GLRA2: variants seen among roughly 807,000 people sequenced by gnomAD.
GLRA2 encodes the protein glycine receptor alpha 2.
GLRA2 carries 11 observed loss-of-function variants against 31.6 expected under a neutral mutation model. The ratio of observed to expected loss-of-function variants is 0.35; its 90% CI spans 0.22 to 0.58. GLRA2 has a LOEUF of 0.58. Among genes scored for constraint, GLRA2 ranks in the 20% least tolerant of loss-of-function variants. GLRA2 has a pLI of 0.84. For synonymous variants in GLRA2, 132 were observed against 134.0 expected, an observed-to-expected ratio of 0.99 and a Z score of 0.10; for missense variants, 212 against 351.8, an observed-to-expected ratio of 0.60 and a Z score of 3.18.
intron 7 of GLRA2, among the ~76,000 whole-genome samples, chrX:14,685,841 T>C (rs1310360832): frequency 3.6e-5 from 4 of 111,999 alleles, no homozygotes; most frequent in African/African-American, 1.3e-4. Context: ...CAGTTATTTC[T>C]TGCCTTCTGC....
chrX:14,501,072 T>TA, the GLRA2 span, among the ~76,000 whole-genome samples: 23,384 of 89,318 alleles, frequency 0.26, 2,605 homozygotes, highest in Non-Finnish European at 0.34. Flanking sequence ...GAAAAAGTAG[T>TA]AAAAAAAAAA....
intron 4 of GLRA2, among the ~76,000 whole-genome samples, chrX:14,585,779 G>A (rs750116507): frequency 2.9e-4 from 33 of 111,999 alleles, no homozygotes; most frequent in Admixed American, 2.4e-3. Flanking sequence ...ATGAAGAAAG[G>A]TTGGGAAAGA....
At chrX:14,571,109 AG>A (rs2089876305) in intron 2 of GLRA2, among the ~76,000 whole-genome samples, 1 of 111,944 alleles carries the variant, frequency 8.9e-6, no homozygotes, top group Non-Finnish European at 1.9e-5. Context: ...AACGAAGGAT[AG>A]GAATGATAGT....
At chrX:14,576,477 T>C (rs1005721786) in intron 3 of GLRA2, among the ~76,000 whole-genome samples, 2 of 111,667 alleles carry the variant, frequency 1.8e-5, no homozygotes, top group Non-Finnish European at 3.8e-5. Flanking sequence ...GTAGCCCAAA[T>C]CACTGTCACC....
intron 4 of GLRA2, among the ~76,000 whole-genome samples, chrX:14,583,464 C>A (rs367568731): frequency 8.9e-6 from 1 of 112,597 alleles, no homozygotes; most frequent in Non-Finnish European, 1.9e-5. Flanking sequence ...GGCGGCTGGG[C>A]GCCGTGGGTC....
At chrX:14,724,558 A>G (rs1177866392) in intron 8 of GLRA2, among the ~76,000 whole-genome samples, 1 of 101,729 alleles carries the variant, frequency 9.8e-6, no homozygotes, top group South Asian at 5.1e-4. Flanking sequence ...CCCAGGAGGC[A>G]GAGGTTGCAG....
chrX:14,615,441 A>T (rs1305817666), intron 7 of GLRA2, among the ~76,000 whole-genome samples: 2 of 111,913 alleles, frequency 1.8e-5, no homozygotes, highest in South Asian at 7.4e-4. Flanking sequence ...AGAGATAGGC[A>T]TTTGGAATGG....
chrX:14,454,569 G>GC, the GLRA2 span, among the ~76,000 whole-genome samples: 4 of 97,944 alleles, frequency 4.1e-5, no homozygotes, highest in African/African-American at 1.6e-4. Context: ...AGCCCTCAAG[G>GC]TAAAAAAAAA....
chrX:14,560,143 C>T (rs181166731), intron 2 of GLRA2, among the ~76,000 whole-genome samples: 40 of 112,439 alleles, frequency 3.6e-4, no homozygotes, highest in Non-Finnish European at 6.8e-4. Context: ...TTATGCTAGA[C>T]AAAATCTTTT....
At chrX:14,589,495 TAA>T (rs72146186) in intron 4 of GLRA2, among the ~76,000 whole-genome samples, 68 of 82,913 alleles carry the variant, frequency 8.2e-4, no homozygotes, top group African/African-American at 1.3e-3. Context: ...CCATCTGTAC[TAA>T]AAAAAAAAAA....
chrX:14,698,773 T>C (rs1429226681), intron 8 of GLRA2, among the ~76,000 whole-genome samples: 1 of 97,280 alleles, frequency 1.0e-5, no homozygotes, highest in East Asian at 3.3e-4. Flanking sequence ...ACCTCTGAAA[T>C]AACATACAGG....
intron 7 of GLRA2, among the ~76,000 whole-genome samples, chrX:14,678,971 G>A (rs906090049): frequency 9.0e-6 from 1 of 110,918 alleles, no homozygotes; most frequent in Non-Finnish European, 1.9e-5. Flanking sequence ...AGATTTTAGC[G>A]GTCCTAACAT....
intron 7 of GLRA2, among the ~76,000 whole-genome samples, chrX:14,669,825 C>G (rs2091072369): frequency 1.8e-5 from 2 of 112,123 alleles, no homozygotes; most frequent in South Asian, 7.5e-4. Context: ...CCAACATGCC[C>G]TGGAGACATT....
intron 7 of GLRA2, among the ~76,000 whole-genome samples, chrX:14,655,434 A>G (rs1032180160): frequency 1.2e-4 from 13 of 111,255 alleles, no homozygotes; most frequent in Admixed American, 6.7e-4. Context: ...AACAGGCTTA[A>G]CTTCATTTTT....
At chrX:14,708,008 CCTT>C (rs768217168) in intron 8 of GLRA2, among the ~76,000 whole-genome samples, 6 of 109,972 alleles carry the variant, frequency 5.5e-5, no homozygotes, top group Non-Finnish European at 7.6e-5. Context: ...TTCCCTCCCT[CCTT>C]CTTTCTTTCA....
At chrX:14,604,273 T>C (rs777921739) in intron 4 of GLRA2, 42 bp from the exon 5 acceptor site, 2 of 819,224 alleles carry the variant, frequency 2.4e-6, no homozygotes, top group Admixed American at 2.3e-5. Context: ...CTGGACTTCA[T>C]AGATTTAAAA....
chrX:14,673,216 G>A (rs1330253575), intron 7 of GLRA2, among the ~76,000 whole-genome samples: 1 of 111,849 alleles, frequency 8.9e-6, no homozygotes, highest in Non-Finnish European at 1.9e-5. Flanking sequence ...GAGAAGTTCA[G>A]CACCAGAAGG....
chrX:14,691,314 T>C (rs867776238), intron 8 of GLRA2, among the ~76,000 whole-genome samples: 1 of 92,784 alleles, frequency 1.1e-5, no homozygotes, highest in African/African-American at 4.9e-5. Context: ...TGTGTGTGTG[T>C]GTGTGTGTGT....
chrX:14,638,487 A>T (rs1409702983), intron 7 of GLRA2, among the ~76,000 whole-genome samples: 1 of 111,492 alleles, frequency 9.0e-6, no homozygotes, highest in Non-Finnish European at 1.9e-5. Context: ...CATTAATGGT[A>T]ATAATGAAAT....
Sources: allele counts gnomAD v4.1 joint callset (sites outside exome capture counted in the v4.1 genomes callset), GRCh38; gene constraint gnomAD v4.1.1; transcripts MANE v1.5; gene names NCBI Gene and HGNC (gene_info 2026-07-23, HGNC 2026-07-21).